The following NTM variants were observed in gnomAD, a reference collection of about 807,000 sequenced individuals.
The protein encoded by NTM is IgLON family member 2.
NTM carries 13 observed loss-of-function variants against 42.1 expected under a neutral mutation model. The observed-to-expected ratio is 0.31, with a 90% CI of 0.20 to 0.49. The LOEUF is 0.49. Among genes scored for constraint, NTM ranks in the 20% least tolerant of loss-of-function variants. NTM has a pLI of 0.99. For synonymous variants in NTM, 187 were observed against 179.2 expected, an observed-to-expected ratio of 1.04 and a Z score of -0.35; for missense variants, 373 against 452.8, an observed-to-expected ratio of 0.82 and a Z score of 1.60.
intron 1 of NTM, among the ~76,000 whole-genome samples, chr11:131,470,734 C>T (rs560063466): frequency 2.7e-4 from 41 of 152,278 alleles, no homozygotes; most frequent in Non-Finnish European, 4.1e-4. Flanking sequence ...TGAAAGCAGC[C>T]CTGGTCTTCA....
At chr11:132,143,547 G>T (rs2069645271) in intron 2 of NTM, among the ~76,000 whole-genome samples, 1 of 152,130 alleles carries the variant, frequency 6.6e-6, no homozygotes, top group Non-Finnish European at 1.5e-5. Flanking sequence ...AGCTAATTTT[G>T]TCTGTAAATT....
At chr11:131,389,916 G>A (rs910015440) in intron 1 of NTM, among the ~76,000 whole-genome samples, 6 of 152,312 alleles carry the variant, frequency 3.9e-5, no homozygotes, top group African/African-American at 1.2e-4. Flanking sequence ...GACCAGAAGG[G>A]TGAGGGGTGG....
intron 2 of NTM, among the ~76,000 whole-genome samples, chr11:132,129,490 A>G (rs2066447809): frequency 6.6e-6 from 1 of 152,190 alleles, no homozygotes; most frequent in Non-Finnish European, 1.5e-5. Context: ...TAGGCCCTGC[A>G]TTCCCATTCT....
chr11:131,445,875 C>T (rs926883239), intron 1 of NTM, among the ~76,000 whole-genome samples: 4 of 152,140 alleles, frequency 2.6e-5, no homozygotes, highest in Non-Finnish European at 4.4e-5. Context: ...TGGAGCATAA[C>T]GGTGCTCATT....
At chr11:131,485,265 G>GGAAGGAT (rs1289281273) in intron 1 of NTM, among the ~76,000 whole-genome samples, 1 of 151,782 alleles carries the variant, frequency 6.6e-6, no homozygotes, top group African/African-American at 2.4e-5. Flanking sequence ...GAGGCTGGGA[G>GGAAGGAT]GAAGGATGAA....
At chr11:131,816,285 A>G (rs1000064210) in intron 1 of NTM, among the ~76,000 whole-genome samples, 1 of 152,160 alleles carries the variant, frequency 6.6e-6, no homozygotes, top group Non-Finnish European at 1.5e-5. Context: ...TGTTTTCACA[A>G]GGGTCATGTG....
chr11:131,996,028 C>T (rs1385399204), intron 2 of NTM, among the ~76,000 whole-genome samples: 1 of 152,066 alleles, frequency 6.6e-6, no homozygotes, highest in African/African-American at 2.4e-5. Flanking sequence ...CAGTTTCAAG[C>T]TTTAAGACTG....
At chr11:132,052,592 A>G (rs1486825876) in intron 2 of NTM, among the ~76,000 whole-genome samples, 1 of 152,224 alleles carries the variant, frequency 6.6e-6, no homozygotes, top group East Asian at 1.9e-4. Context: ...ACAGCAGGAA[A>G]TCTAACAGAC....
chr11:132,123,464 G>A (rs1299342350), intron 2 of NTM, among the ~76,000 whole-genome samples: 3 of 152,192 alleles, frequency 2.0e-5, no homozygotes, highest in African/African-American at 7.2e-5. Context: ...GTCAGTTATG[G>A]CATGTCTGTG....
At chr11:132,292,372 G>A (rs956162616) in intron 4 of NTM, among the ~76,000 whole-genome samples, 2 of 152,152 alleles carry the variant, frequency 1.3e-5, no homozygotes, top group Non-Finnish European at 2.9e-5. Flanking sequence ...GAGAAAATGA[G>A]TCTGTCTGAC....
At chr11:131,433,000 G>A (rs191250059) in intron 1 of NTM, among the ~76,000 whole-genome samples, 2,754 of 151,570 alleles carry the variant, frequency 0.018, 86 homozygotes, top group African/African-American at 0.062. Flanking sequence ...GACTGCAGGC[G>A]CCCGCCACCA....
At chr11:132,310,255 C>G (rs1399905253) in intron 6 of NTM, 23 bp downstream of exon 6, 1 of 1,553,830 alleles carries the variant, frequency 6.4e-7, no homozygotes, top group Non-Finnish European at 8.6e-7. Context: ...TCTTTCCTAT[C>G]CCACCCCTAC....
At chr11:132,123,062 G>T (rs561502466) in intron 2 of NTM, among the ~76,000 whole-genome samples, 2 of 152,070 alleles carry the variant, frequency 1.3e-5, no homozygotes, top group Non-Finnish European at 2.9e-5. Context: ...TCTCTTCTGT[G>T]CATCTCCCCG....
At chr11:131,978,375 C>A (rs759145614) in intron 2 of NTM, among the ~76,000 whole-genome samples, 33 of 152,150 alleles carry the variant, frequency 2.2e-4, no homozygotes, top group Middle Eastern at 3.4e-3. Context: ...TTTAGAACAC[C>A]TAGTCTGGTG....
intron 2 of NTM, among the ~76,000 whole-genome samples, chr11:131,962,258 G>A (rs537239414): frequency 2.0e-5 from 3 of 152,170 alleles, no homozygotes; most frequent in African/African-American, 7.2e-5. Context: ...GGATCAAGGG[G>A]TGTGAAGGTC....
At chr11:131,857,669 C>T (rs965737717) in intron 1 of NTM, among the ~76,000 whole-genome samples, 1 of 152,096 alleles carries the variant, frequency 6.6e-6, no homozygotes, top group African/African-American at 2.4e-5. Flanking sequence ...TTCTCCTTCT[C>T]CCTCACCCTC....
At chr11:131,917,684 A>G (rs2056609692) in intron 2 of NTM, among the ~76,000 whole-genome samples, 1 of 151,892 alleles carries the variant, frequency 6.6e-6, no homozygotes, top group Non-Finnish European at 1.5e-5. Context: ...TTATGAGTTC[A>G]CCCGTTCAGA....
chr11:131,673,378 T>C (rs765260842), intron 1 of NTM, among the ~76,000 whole-genome samples: 4 of 152,104 alleles, frequency 2.6e-5, no homozygotes, highest in Non-Finnish European at 4.4e-5. Context: ...AGCAGGGCAT[T>C]ATGGTGGCCC....
chr11:131,498,986 A>T (rs2046393099), intron 1 of NTM, among the ~76,000 whole-genome samples: 1 of 152,084 alleles, frequency 6.6e-6, no homozygotes, highest in South Asian at 2.1e-4. Context: ...CCTTCTGGGG[A>T]GGCAGCATCA....
Sources: gnomAD v4.1 joint callset for allele counts (sites outside exome capture counted in the v4.1 genomes callset) on GRCh38, gnomAD v4.1.1 for gene constraint, MANE v1.5 for transcripts, NCBI Gene and HGNC (gene_info 2026-07-23, HGNC 2026-07-21) for gene names.